DCP1A: variants seen among roughly 807,000 people sequenced by gnomAD.
DCP1A encodes the protein mRNA-decapping enzyme 1A.
DCP1A carries 20 observed loss-of-function variants against 58.0 expected under a neutral mutation model. That is an observed-to-expected ratio of 0.34 (90% CI 0.24 to 0.50). The LOEUF is 0.50. Ranked by LOEUF, DCP1A falls within the 20% of genes least tolerant of loss-of-function variation. The pLI is 0.98. For missense variants in DCP1A, 613 were observed against 712.2 expected (o/e 0.86, Z 1.59); for synonymous variants, 285 against 275.1 (o/e 1.04, Z -0.36).
At chr3:53,344,532 C>T (rs574576275) in intron 2 of DCP1A, among the ~76,000 whole-genome samples, 69 of 152,248 alleles carry the variant, frequency 4.5e-4, no homozygotes, top group African/African-American at 1.6e-3. Context: ...ACAGAGGGAT[C>T]GACCTCTCAA....
intron 3 of DCP1A, among the ~76,000 whole-genome samples, chr3:53,326,775 G>A (rs1038402788): frequency 3.4e-4 from 51 of 152,144 alleles, no homozygotes; most frequent in Non-Finnish European, 2.9e-5. Context: ...ATGGTGAGTT[G>A]CATAATTATT....
Position 53,347,461 on chromosome 3 carries a change from G to T in DCP1A, c.57C>A (p.His19Gln). The change falls in exon 1 of 10, where the codon CAC (histidine) becomes CAA (glutamine). Residue 19 changes from histidine to glutamine, a missense_variant. His to Gln is a conservative substitution (Grantham distance 24, BLOSUM62 0). Coordinates refer to ENST00000610213, the MANE Select transcript of DCP1A (RefSeq NM_018403.7). ...QEMSLAALKQ[H>Q]DPYITSIADL... ...CTGCGATGCTGGTGATATAGGGGTC[G>T]TGTTGCTTCAGGGCCGCTAGGCTCA... 1 of 1,613,682 alleles carries T rather than the reference G, an allele frequency of 6.2e-7. No homozygotes were observed. Among genetic ancestry groups the T allele is most frequent in the African/African-American group, 1.3e-5 (1 of 75,044 alleles).
chr3:53,318,295 ACT>A (rs782508612), intron 4 of DCP1A, among the ~76,000 whole-genome samples: 1 of 152,158 alleles, frequency 6.6e-6, no homozygotes, highest in Non-Finnish European at 1.5e-5. Flanking sequence ...ACAGAGCGAG[ACT>A]CTGTCTAAAA....
rs545983655 is a variant in DCP1A, at chr3:53,289,201, T to C, written c.1450-918A>G. On this transcript the variant is annotated intron_variant, in intron 8 of 9. Transcript: ENST00000610213. Reference sequence around the variant, plus strand: ...GTCTTGAACTCCTGGGCTTAAGTGATCCTCCCACCTAGGCCTCCCAAAGTG... The same window carrying C: ...GTCTTGAACTCCTGGGCTTAAGTGACCCTCCCACCTAGGCCTCCCAAAGTG... Among the ~76,000 whole-genome samples, 9 of 150,884 alleles carry C rather than the reference T, an allele frequency of 6.0e-5. No individual in the cohort carries two copies. The East Asian group carries it at 1.8e-3, about 31-fold the overall frequency.
intron 6 of DCP1A, among the ~76,000 whole-genome samples, chr3:53,298,340 G>A (rs367722703): frequency 1.5e-4 from 23 of 151,942 alleles, no homozygotes; most frequent in African/African-American, 5.3e-4. Flanking sequence ...TATAACTACT[G>A]CGAGGCCAGA....
intron 4 of DCP1A, among the ~76,000 whole-genome samples, chr3:53,317,665 A>G (rs1218506119): frequency 6.6e-6 from 1 of 152,224 alleles, no homozygotes; most frequent in African/African-American, 2.4e-5. Context: ...AGCCTGGGCA[A>G]TACGGCAACA....
At position 53,290,827 on chromosome 3, in the gene DCP1A, T is replaced by C. The variant is rs1706838615; in HGVS notation, c.1413A>G (p.Val471=). The change falls in exon 8 of 10, where the codon GTA becomes GTG. Residue 471 remains valine (V), a synonymous_variant. Transcript: ENST00000610213. ...TGGATAACACCTTAGGCTGCACAAA[T>C]ACTTCAGGATCCTGGTTCTGCTGCA... ...QSMQQNQDPE[V]FVQPKVLSSA... is the part of the protein sequence containing the mutation. The C allele has an allele frequency of 6.8e-7, 1 of 1,480,354 alleles. No homozygotes were observed. Among genetic ancestry groups the C allele is most frequent in the Non-Finnish European group, 9.1e-7 (1 of 1,103,582 alleles). 91.7% of individuals were successfully genotyped at this position (1,480,354 alleles called of 1,614,324 possible).
At chr3:53,302,984 T>C (rs1553687575) in intron 6 of DCP1A, among the ~76,000 whole-genome samples, 4 of 152,088 alleles carry the variant, frequency 2.6e-5, no homozygotes. Context: ...GGCCTTGCTC[T>C]GCTACCCAGG....
chr3:53,339,059 A>G (rs2089162313), intron 3 of DCP1A, among the ~76,000 whole-genome samples: 1 of 152,210 alleles, frequency 6.6e-6, no homozygotes, highest in South Asian at 2.1e-4. Flanking sequence ...GCAGAAGTGC[A>G]GCTATAGAAT....
rs906147123 is a variant in DCP1A at position 53,333,997 on chromosome 3, T to C, written c.304+8147A>G. Among the ~76,000 whole-genome samples, 4 of 151,576 alleles carry C rather than the reference T, an allele frequency of 2.6e-5. No individual in the cohort carries two copies. In the East Asian group the frequency reaches 7.7e-4, roughly 29 times the overall value. On this transcript the variant is annotated intron_variant, in intron 3 of 9. Coordinates refer to ENST00000610213, the MANE Select transcript of DCP1A (RefSeq NM_018403.7). ...CAGCATACAGGGCCAGTGCAGTGGC[T>C]CACACCTATAATCCAGCACTTTGGG...
intron 4 of DCP1A, among the ~76,000 whole-genome samples, chr3:53,317,545 A>T (rs1575608560): frequency 6.6e-6 from 1 of 152,194 alleles, no homozygotes. Context: ...CATCTAATAA[A>T]TGGCTATGTT....
Position 53,347,436 on chromosome 3 carries a change from C to G in DCP1A, c.82G>C (p.Asp28His). The change falls in exon 1 of 10, where the codon GAC becomes CAC. Residue 28 changes from aspartate to histidine, a missense_variant. Physicochemically the swap from Asp to His is moderately conservative, Grantham distance 81 (BLOSUM62 -1). This residue lies in a region of DCP1A where 50 missense variants were observed against 37.0 expected (regional missense o/e 1.35). Coordinates refer to ENST00000610213, the MANE Select transcript of DCP1A (RefSeq NM_018403.7). ...QHDPYITSIA[D>H]LTGQVALYTF... ...TACAGAGCGACCTGGCCCGTGAGGT[C>G]TGCGATGCTGGTGATATAGGGGTCG... 6.2e-7 allele frequency: 1 copy of G among 1,613,628 alleles called. No individual in the cohort carries two copies. Among genetic ancestry groups the G allele is most frequent in the Non-Finnish European group, 8.5e-7 (1 of 1,179,696 alleles).
chr3:53,315,784 C>T (rs369909414), intron 4 of DCP1A, among the ~76,000 whole-genome samples: 9 of 112,292 alleles, frequency 8.0e-5, no homozygotes, highest in South Asian at 6.1e-4. Context: ...GACGGAGTCT[C>T]GCTCTGTCGC....
chr3:53,327,678 C>T (rs1308411186), intron 3 of DCP1A, among the ~76,000 whole-genome samples: 2 of 151,692 alleles, frequency 1.3e-5, no homozygotes, highest in African/African-American at 2.4e-5. Flanking sequence ...GTAATCCCAG[C>T]TACTGGTGAG....
chr3:53,311,022 GT>G (rs1707627561), intron 5 of DCP1A, among the ~76,000 whole-genome samples: 1 of 152,172 alleles, frequency 6.6e-6, no homozygotes, highest in Non-Finnish European at 1.5e-5. Flanking sequence ...TGGTGTTATT[GT>G]TTTACTTATT....
chr3:53,313,932 A>G (rs1707725056), intron 4 of DCP1A, among the ~76,000 whole-genome samples: 1 of 152,192 alleles, frequency 6.6e-6, no homozygotes, highest in Admixed American at 6.5e-5. Flanking sequence ...ATGGAGTTTG[A>G]TATGTTGCCC....
chr3:53,329,669 C>T (rs140879377), intron 3 of DCP1A, among the ~76,000 whole-genome samples: 5 of 152,184 alleles, frequency 3.3e-5, no homozygotes, highest in East Asian at 1.9e-4. Context: ...TTAAACCTGT[C>T]AAGGTAAAAT....
chr3:53,347,540 C>T lies in DCP1A; in HGVS notation c.-23G>A. ...CATCTTGAATCCCAGAGCCTAGCCC[C>T]TCTGGTGGGGGCGGAGTCGCGGACA... On this transcript the variant is annotated 5_prime_UTR_variant, in exon 1 of 10. Transcript: ENST00000610213. 6.3e-7 allele frequency: 1 copy of T among 1,593,700 alleles called. No homozygotes were observed. The highest frequency in any genetic ancestry group is 8.5e-7 in the Non-Finnish European group (1 of 1,170,682).
At chr3:53,306,784 A>AT (rs1199315014) in intron 5 of DCP1A, among the ~76,000 whole-genome samples, 1 of 150,948 alleles carries the variant, frequency 6.6e-6, no homozygotes, top group Non-Finnish European at 1.5e-5. Context: ...AAAAAAAAAA[A>AT]AAAAAAAGCC....
Sources: allele counts gnomAD v4.1 joint callset (sites outside exome capture counted in the v4.1 genomes callset), GRCh38; gene constraint gnomAD v4.1.1; regional missense constraint gnomAD v4.1.1; transcripts MANE v1.5; gene names NCBI Gene and HGNC (gene_info 2026-07-23, HGNC 2026-07-21).